LMBR1: variants seen among roughly 807,000 people sequenced by gnomAD.
LMBR1 encodes limb development membrane protein 1, also known as limb region 1 protein homolog.
A neutral mutation model predicts 73.9 loss-of-function variants in LMBR1; 52 were observed. The observed-to-expected ratio is 0.70, with a 90% CI of 0.56 to 0.89. The LOEUF (loss-of-function observed/expected upper bound fraction) is 0.89. LMBR1 is among the 40% of genes least tolerant of loss of function. The pLI, the probability that LMBR1 is intolerant of heterozygous loss-of-function variation, is 0.00. For missense variants in LMBR1, 539 were observed against 579.8 expected (o/e 0.93, Z 0.72); for synonymous variants, 215 against 209.4 (o/e 1.03, Z -0.23).
intron 15 of LMBR1, among the ~76,000 whole-genome samples, chr7:156,688,505 T>C (rs1393051622): frequency 6.6e-6 from 1 of 151,970 alleles, no homozygotes; most frequent in Admixed American, 6.6e-5. Context: ...GCTGCTTACA[T>C]GGGGAGGATG....
At chr7:156,868,981 T>C (rs1798878380) in intron 1 of LMBR1, among the ~76,000 whole-genome samples, 1 of 152,062 alleles carries the variant, frequency 6.6e-6, no homozygotes, top group African/African-American at 2.4e-5. Flanking sequence ...CAATAAAAAG[T>C]AAAAACTGGC....
At chr7:156,864,876 A>G (rs1244405200) in intron 1 of LMBR1, among the ~76,000 whole-genome samples, 1 of 151,880 alleles carries the variant, frequency 6.6e-6, no homozygotes, top group East Asian at 1.9e-4. Context: ...GGTGCTTGTA[A>G]TACCAGGTAT....
At chr7:156,751,828 A>G (rs1820955987) in intron 9 of LMBR1, among the ~76,000 whole-genome samples, 1 of 152,234 alleles carries the variant, frequency 6.6e-6, no homozygotes, top group African/African-American at 2.4e-5. Flanking sequence ...AAAGATCTTG[A>G]GTTTACTTTG....
At chr7:156,808,018 C>T (rs1832445255) in intron 4 of LMBR1, among the ~76,000 whole-genome samples, 1 of 151,996 alleles carries the variant, frequency 6.6e-6, no homozygotes, top group African/African-American at 2.4e-5. Flanking sequence ...TGTATTGAGA[C>T]TTATTTTATG....
intron 14 of LMBR1, 71 bp downstream of exon 14, chr7:156,725,364 T>C (rs1421775745): frequency 2.3e-6 from 2 of 859,952 alleles, no homozygotes; most frequent in Non-Finnish European, 3.7e-6. Context: ...CCATTCAGAA[T>C]GACTATTAAA....
chr7:156,709,369 T>C (rs1434411559), intron 15 of LMBR1, among the ~76,000 whole-genome samples: 2 of 152,160 alleles, frequency 1.3e-5, no homozygotes. Context: ...TCTGTCCACA[T>C]GACACTTTCA....
At chr7:156,856,022 T>A (rs889883508) in intron 1 of LMBR1, among the ~76,000 whole-genome samples, 1 of 152,006 alleles carries the variant, frequency 6.6e-6, no homozygotes, top group African/African-American at 2.4e-5. Context: ...GGTGAAACCC[T>A]GTCTCTACTA....
chr7:156,817,079 A>C (rs1306228141), intron 4 of LMBR1, among the ~76,000 whole-genome samples: 2 of 152,184 alleles, frequency 1.3e-5, no homozygotes, highest in Non-Finnish European at 2.9e-5. Context: ...ATTTGAATTT[A>C]AAGTTATTTA....
intron 1 of LMBR1, among the ~76,000 whole-genome samples, chr7:156,890,210 T>G (rs1802646676): frequency 6.6e-6 from 1 of 152,076 alleles, no homozygotes; most frequent in African/African-American, 2.4e-5. Context: ...GATTGCAAAT[T>G]TAAATGAGAA....
intron 1 of LMBR1, among the ~76,000 whole-genome samples, chr7:156,882,849 G>A (rs151103244): frequency 1.6e-4 from 24 of 152,130 alleles, no homozygotes; most frequent in African/African-American, 5.8e-4. Flanking sequence ...GGCCAACACA[G>A]TGAAACCCCG....
At chr7:156,874,180 T>C (rs927630236) in intron 1 of LMBR1, among the ~76,000 whole-genome samples, 14 of 152,196 alleles carry the variant, frequency 9.2e-5, no homozygotes, top group Non-Finnish European at 1.8e-4. Flanking sequence ...GACAAGAAAT[T>C]GAGCACAGCG....
At chr7:156,813,687 T>C (rs1206356725) in intron 4 of LMBR1, among the ~76,000 whole-genome samples, 1 of 152,224 alleles carries the variant, frequency 6.6e-6, no homozygotes, top group East Asian at 1.9e-4. Context: ...CCACATTCTT[T>C]CTATTATGTT....
chr7:156,728,040 A>C (rs1224075908), intron 11 of LMBR1, 33 bp from the exon 12 acceptor site: 1 of 1,531,840 alleles, frequency 6.5e-7, no homozygotes, highest in Non-Finnish European at 9.0e-7. Context: ...TCAGCTCTCA[A>C]GATTTTTCAC....
intron 15 of LMBR1, among the ~76,000 whole-genome samples, chr7:156,714,144 G>A (rs951180403): frequency 4.6e-5 from 7 of 152,270 alleles, no homozygotes; most frequent in South Asian, 2.1e-4. Flanking sequence ...ACCTCCCACC[G>A]CATATGTGTG....
At chr7:156,750,982 C>T (rs913509497) in intron 9 of LMBR1, among the ~76,000 whole-genome samples, 5 of 152,036 alleles carry the variant, frequency 3.3e-5, no homozygotes, top group Admixed American at 6.6e-5. Flanking sequence ...TGGTGGTGGG[C>T]GCCTGTAGTC....
At position 156,769,404 on chromosome 7, in the gene LMBR1, G is replaced by A. The variant is rs910914390; in HGVS notation, c.424-5609C>T. 7.9e-5 allele frequency among the ~76,000 whole-genome samples: 12 copies of A among 152,170 alleles called. No homozygotes were observed. The highest frequency in any genetic ancestry group is 1.9e-4 in the African/African-American group (8 of 41,440). On this transcript the variant is annotated intron_variant, in intron 5 of 16. Coordinates refer to ENST00000353442, the MANE Select transcript of LMBR1 (RefSeq NM_022458.4). ...CCATTCAGACTCATTACAGGTAGGA[G>A]TAATGTAATTACCAGGGGCCCTTCC...
intron 1 of LMBR1, among the ~76,000 whole-genome samples, chr7:156,868,735 G>A (rs1276227791): frequency 6.6e-6 from 1 of 151,958 alleles, no homozygotes; most frequent in Non-Finnish European, 1.5e-5. Flanking sequence ...GGAAGCCAAC[G>A]TGGGCAGATA....
In LMBR1 at chr7:156,716,074, T is replaced by C. The variant is rs572006206; in HGVS notation, c.1225+8038A>G. 4.1e-3 allele frequency among the ~76,000 whole-genome samples: 621 copies of C among 152,210 alleles called. 7 individuals are homozygous for C. Among genetic ancestry groups the C allele is most frequent in the African/African-American group, 0.014 (600 of 41,528 alleles). On this transcript the variant is annotated intron_variant, in intron 15 of 16. Transcript: ENST00000353442. Reference sequence around the variant, plus strand: ...AAAAATACTTATTAACTAGATGCTGTGAAAAATAAAAAGATGCAGAAAACA... The same window carrying C: ...AAAAATACTTATTAACTAGATGCTGCGAAAAATAAAAAGATGCAGAAAACA...
chr7:156,876,224 G>C (rs988020025), intron 1 of LMBR1, among the ~76,000 whole-genome samples: 2 of 152,048 alleles, frequency 1.3e-5, no homozygotes, highest in Non-Finnish European at 2.9e-5. Context: ...AAGACAAAGA[G>C]GGACATTATA....
Sources: allele counts gnomAD v4.1 joint callset (sites outside exome capture counted in the v4.1 genomes callset), GRCh38; gene constraint gnomAD v4.1.1; transcripts MANE v1.5; gene names NCBI Gene and HGNC (gene_info 2026-07-23, HGNC 2026-07-21).